The following LRRC9 variants were observed in gnomAD, a reference collection of about 807,000 sequenced individuals.
LRRC9 encodes leucine-rich repeat-containing protein 9.
A neutral mutation model predicts 63.2 loss-of-function variants in LRRC9; 122 were observed. The observed-to-expected ratio is 1.93, with a 90% CI of 1.67 to 2.24. The LOEUF (loss-of-function observed/expected upper bound fraction) is 2.24. LRRC9 is among the 30% of genes most tolerant of loss of function. The pLI is 0.00. For synonymous variants in LRRC9, 366 were observed against 213.1 expected (o/e 1.72, Z -6.25); for missense variants, 1,071 against 627.7 (o/e 1.71, Z -7.55).
intron 29 of LRRC9, among the ~76,000 whole-genome samples, chr14:60,050,625 GTGGTCA>G (rs1893814758): frequency 6.6e-6 from 1 of 152,150 alleles, no homozygotes; most frequent in Non-Finnish European, 1.5e-5. Context: ...ATTTGGTGTT[GTGGTCA>G]TTTGTAGGAG....
intron 29 of LRRC9, among the ~76,000 whole-genome samples, chr14:60,037,327 TG>T (rs1356914411): frequency 2.6e-5 from 4 of 152,242 alleles, no homozygotes; most frequent in Non-Finnish European, 5.9e-5. Flanking sequence ...TCTAGATCCT[TG>T]AGGAATTGCC....
rs189556934 is a variant in LRRC9 at position 59,964,059 on chromosome 14, G to T, written c.1212-2530G>T. Among the ~76,000 whole-genome samples the T allele has an allele frequency of 6.6e-6, 1 of 152,288 alleles. No individual in the cohort carries two copies. The highest frequency in any genetic ancestry group is 6.5e-5 in the Admixed American group (1 of 15,302). Reference sequence around the variant, plus strand: ...TACCTTCAAGTACCACTGAATGAATGAGGGTAAGGTACACAGTTCAGCTGA... The same window carrying T: ...TACCTTCAAGTACCACTGAATGAATTAGGGTAAGGTACACAGTTCAGCTGA... On this transcript the variant is annotated intron_variant, in intron 10 of 31. Transcript: ENST00000445360. The surrounding 1 kb of genome is among the most constrained non-coding windows in gnomAD (Gnocchi z 4.4).
chr14:60,065,155 G>C (rs1169503337), downstream of LRRC9, among the ~76,000 whole-genome samples: 3 of 152,094 alleles, frequency 2.0e-5, no homozygotes, highest in Non-Finnish European at 4.4e-5. Flanking sequence ...GCCAAGGCAG[G>C]CAGATCACAA....
intron 8 of LRRC9, among the ~76,000 whole-genome samples, chr14:59,953,417 G>A (rs1023731606): frequency 2.0e-5 from 3 of 152,260 alleles, no homozygotes; most frequent in Middle Eastern, 3.4e-3. Context: ...CAGTGATGAT[G>A]AGCTTTTTTT....
chr14:59,975,716 TATC>T (rs1359121268), intron 13 of LRRC9, among the ~76,000 whole-genome samples: 13 of 152,194 alleles, frequency 8.5e-5, no homozygotes, highest in African/African-American at 3.1e-4. Context: ...AAATCATAGT[TATC>T]ATATAGGAGC....
intron 19 of LRRC9, among the ~76,000 whole-genome samples, chr14:59,999,914 C>T (rs1275982481): frequency 1.3e-5 from 2 of 152,118 alleles, no homozygotes; most frequent in East Asian, 1.9e-4. Flanking sequence ...AATAGAACTA[C>T]CATTCCACTC....
rs1893021550 is a variant in LRRC9 at position 60,042,323 on chromosome 14, G to A, written c.3990+10260G>A. ...TCTGCAGAAGTTTCTGCTGCCTGTTGTTCAGCTATGCCCTGCCCCCAGAGG... is the reference window on the plus strand; with the variant it reads ...TCTGCAGAAGTTTCTGCTGCCTGTTATTCAGCTATGCCCTGCCCCCAGAGG... On this transcript the variant is annotated intron_variant, in intron 29 of 31. Transcript: ENST00000445360. The surrounding 1 kb of genome is among the most constrained non-coding windows in gnomAD (Gnocchi z 4.2). Among the ~76,000 whole-genome samples, 1 of 152,218 alleles carries A rather than the reference G, an allele frequency of 6.6e-6. No individual in the cohort carries two copies. The highest frequency in any genetic ancestry group is 6.5e-5 in the Admixed American group (1 of 15,282).
intron 28 of LRRC9, among the ~76,000 whole-genome samples, chr14:60,030,838 A>T (rs1891931613): frequency 6.6e-6 from 1 of 152,050 alleles, no homozygotes; most frequent in African/African-American, 2.4e-5. Flanking sequence ...TGTAAAAAAA[A>T]ATGCTGCATA....
intron 1 of LRRC9, among the ~76,000 whole-genome samples, chr14:59,925,960 A>G (rs1889175818): frequency 6.6e-6 from 1 of 152,178 alleles, no homozygotes; most frequent in South Asian, 2.1e-4. Context: ...ACAAGATCTG[A>G]TGATTCTACA....
At chr14:60,038,533 GA>G (rs1892653809) in intron 29 of LRRC9, among the ~76,000 whole-genome samples, 1 of 152,170 alleles carries the variant, frequency 6.6e-6, no homozygotes, top group Admixed American at 6.5e-5. Context: ...AAGCAATTGT[GA>G]ATGGGGGTTC....
chr14:59,924,156 A>G (rs1384792864), intron 1 of LRRC9, among the ~76,000 whole-genome samples: 1 of 152,230 alleles, frequency 6.6e-6, no homozygotes, highest in Admixed American at 6.5e-5. Flanking sequence ...GGAGCTTTGA[A>G]GGGAAGCGTT....
At chr14:59,968,682 C>G (rs1885126476) in intron 12 of LRRC9, among the ~76,000 whole-genome samples, 1 of 152,166 alleles carries the variant, frequency 6.6e-6, no homozygotes, top group Admixed American at 6.5e-5. Context: ...GAGTGAATTG[C>G]TCACATTCGG....
rs954298872 is a variant in LRRC9, at chr14:59,959,860, C to T, written c.925C>T (p.His309Tyr). ...TGAACTCAAGGGCTCGGGCAAAGGG[C>T]ACAGTGATGGATCCAATAACAGTAA... The change falls in exon 9 of 32, where the codon CAC becomes TAC. Residue 309 changes from histidine to tyrosine, a missense_variant. His to Tyr is a moderately conservative substitution (Grantham distance 83, BLOSUM62 2). Transcript: ENST00000445360. The T allele has an allele frequency of 2.2e-5, 15 of 685,116 alleles. No homozygotes were observed. The African/African-American group carries it at 2.5e-4, about 11-fold the overall frequency. 42.4% of individuals were successfully genotyped at this position (685,116 alleles called of 1,614,324 possible).
At chr14:60,064,746 C>G (rs1459646670), downstream of LRRC9, among the ~76,000 whole-genome samples, 1 of 152,162 alleles carries the variant, frequency 6.6e-6, no homozygotes, top group Non-Finnish European at 1.5e-5. Context: ...TTGTGACAGT[C>G]TACTCTTCAC....
chr14:60,057,525 A>G (rs1245834148), intron 30 of LRRC9: 1 of 161,074 alleles, frequency 6.2e-6, no homozygotes, highest in African/African-American at 2.4e-5. Context: ...ACACAAAAAA[A>G]GAAAAAGCAT....
chr14:60,066,688 G>A (rs577507785), downstream of LRRC9, among the ~76,000 whole-genome samples: 3 of 152,262 alleles, frequency 2.0e-5, no homozygotes, highest in South Asian at 6.2e-4. Flanking sequence ...AACTAGGTCA[G>A]TAAGAAATAC....
At chr14:59,999,876 G>T (rs1889178562) in intron 19 of LRRC9, among the ~76,000 whole-genome samples, 1 of 151,952 alleles carries the variant, frequency 6.6e-6, no homozygotes, top group African/African-American at 2.4e-5. Flanking sequence ...AAGAAGAGCT[G>T]GGAATTTACC....
At position 59,943,991 on chromosome 14, in the gene LRRC9, C is replaced by A. The variant is rs536075799; in HGVS notation, c.727-598C>A. Among the ~76,000 whole-genome samples the A allele has an allele frequency of 3.9e-5, 6 of 151,934 alleles. No homozygotes were observed. In the East Asian group the frequency reaches 1.2e-3, roughly 29 times the overall value. ...ACTCTCAAACACCATTTAGCTGTTG[C>A]ATATCTTAATTATGGAATTAATCAA... is the stretch of plus-strand genomic sequence containing the variant. On this transcript the variant is annotated intron_variant, in intron 7 of 31. Transcript: ENST00000445360.
chr14:60,038,172 T>C (rs1892615042), intron 29 of LRRC9, among the ~76,000 whole-genome samples: 1 of 152,160 alleles, frequency 6.6e-6, no homozygotes, highest in Non-Finnish European at 1.5e-5. Context: ...ACTGTAGCCT[T>C]GTAGTATAGT....
Sources: gnomAD v4.1 joint callset for allele counts (sites outside exome capture counted in the v4.1 genomes callset) on GRCh38, gnomAD v4.1.1 for gene constraint, Gnocchi (gnomAD v3.1) non-coding constraint, MANE v1.5 for transcripts, NCBI Gene and HGNC (gene_info 2026-07-23, HGNC 2026-07-21) for gene names.